KCNN2: variants seen among roughly 807,000 people sequenced by gnomAD.
The protein encoded by KCNN2 is small conductance calcium-activated potassium channel protein 2.
A neutral mutation model predicts 55.5 loss-of-function variants in KCNN2; 24 were observed. The ratio of observed to expected loss-of-function variants is 0.43; its 90% CI spans 0.31 to 0.61. The LOEUF (loss-of-function observed/expected upper bound fraction) is 0.61, where lower values mean the gene tolerates loss of function less well. Ranked by LOEUF, KCNN2 falls within the 20% of genes least tolerant of loss-of-function variation. The probability of loss-of-function intolerance (pLI) is 0.08; values close to 1 mark genes in which losing one functional copy is unlikely to be tolerated. For synonymous variants in KCNN2, 431 were observed against 336.1 expected, an observed-to-expected ratio of 1.28 and a Z score of -3.09; for missense variants, 754 against 853.6, an observed-to-expected ratio of 0.88 and a Z score of 1.45.
intron 2 of KCNN2, among the ~76,000 whole-genome samples, chr5:114,295,085 T>A (rs1265156545): frequency 6.6e-6 from 1 of 152,182 alleles, no homozygotes; most frequent in Non-Finnish European, 1.5e-5. Flanking sequence ...GAGGAGTACC[T>A]GGCCGTGTGA....
chr5:114,253,583 C>T, intron 2 of KCNN2: 1 of 155,454 alleles, frequency 6.4e-6, no homozygotes. Flanking sequence ...GCTGGCTAGG[C>T]GGGTGTCCCC....
chr5:114,468,015 C>T (rs1049404056), intron 4 of KCNN2, among the ~76,000 whole-genome samples: 1 of 152,088 alleles, frequency 6.6e-6, no homozygotes, highest in African/African-American at 2.4e-5. Context: ...AAAGGAGGCT[C>T]GGGTTGCCCA....
At chr5:114,329,642 G>C (rs1264092822) in intron 2 of KCNN2, among the ~76,000 whole-genome samples, 5 of 152,162 alleles carry the variant, frequency 3.3e-5, no homozygotes, top group East Asian at 1.9e-4. Context: ...CCACTCCTCA[G>C]CTTGCAGATG....
rs919893524 is a variant in KCNN2, at chr5:114,495,092, A to G, written c.2089-803A>G. 2.0e-5 allele frequency among the ~76,000 whole-genome samples: 3 copies of G among 152,124 alleles called. No homozygotes were observed. The East Asian group carries it at 5.8e-4, about 29-fold the overall frequency. ...TCTTGGCTACTCAGGAAATATACCT[A>G]GAAATCAGAGTTATGGATACCCTGT... On this transcript the variant is annotated intron_variant, in intron 7 of 7. Coordinates refer to ENST00000673685, the MANE Select transcript of KCNN2 (RefSeq NM_021614.4).
chr5:114,380,840 T>TA (rs1758098463), intron 2 of KCNN2, among the ~76,000 whole-genome samples: 1 of 152,176 alleles, frequency 6.6e-6, no homozygotes, highest in African/African-American at 2.4e-5. Context: ...AGGCCGTTAT[T>TA]ACAGTAGCAC....
At chr5:114,203,667 A>G (rs975746728) in intron 1 of KCNN2, among the ~76,000 whole-genome samples, 8 of 152,192 alleles carry the variant, frequency 5.3e-5, no homozygotes, top group African/African-American at 1.9e-4. Flanking sequence ...CCCTGGGCCT[A>G]TGAATGATGA....
intron 6 of KCNN2, 182 bp from the exon 7 acceptor site, chr5:114,493,221 C>T (rs939425970): frequency 9.0e-5 from 60 of 667,786 alleles, no homozygotes; most frequent in Non-Finnish European, 1.4e-4. Context: ...TTCTTTTTTG[C>T]GGTGTTGGGG....
chr5:114,299,309 C>A (rs904209252), intron 2 of KCNN2, among the ~76,000 whole-genome samples: 3 of 152,084 alleles, frequency 2.0e-5, no homozygotes, highest in Non-Finnish European at 4.4e-5. Context: ...GAATCAATTA[C>A]TTTGGCTCAG....
At chr5:114,141,790 C>T (rs1240057105) in intron 1 of KCNN2, among the ~76,000 whole-genome samples, 2 of 152,184 alleles carry the variant, frequency 1.3e-5, no homozygotes, top group Non-Finnish European at 2.9e-5. Flanking sequence ...TCTCCAGCAC[C>T]TGTAGTTTCC....
At chr5:114,244,780 T>A (rs1462216488) in intron 2 of KCNN2, among the ~76,000 whole-genome samples, 1 of 152,176 alleles carries the variant, frequency 6.6e-6, no homozygotes. Flanking sequence ...AACGGTGGTA[T>A]CTGAAGCTTT....
chr5:114,249,623 A>C (rs1473090858), intron 2 of KCNN2, among the ~76,000 whole-genome samples: 2 of 151,896 alleles, frequency 1.3e-5, no homozygotes, highest in Non-Finnish European at 2.9e-5. Flanking sequence ...TTCTCTGACA[A>C]TATTATGATA....
intron 1 of KCNN2, among the ~76,000 whole-genome samples, chr5:114,123,549 G>T (rs13185297): frequency 1.7e-5 from 2 of 118,414 alleles, no homozygotes; most frequent in Admixed American, 1.6e-4. Context: ...TTTTTTAGTA[G>T]AGACGGGGTT....
At chr5:114,166,418 A>G (rs1752914836) in intron 1 of KCNN2, among the ~76,000 whole-genome samples, 1 of 152,040 alleles carries the variant, frequency 6.6e-6, no homozygotes, top group South Asian at 2.1e-4. Context: ...TGATCAACTT[A>G]CTCTCTCATT....
intron 2 of KCNN2, among the ~76,000 whole-genome samples, chr5:114,289,615 G>A (rs1176771579): frequency 6.6e-6 from 1 of 152,028 alleles, no homozygotes; most frequent in Non-Finnish European, 1.5e-5. Context: ...GACCTCAAGT[G>A]ATCTGCCCGC....
At chr5:114,386,377 T>C (rs1580777337) in intron 2 of KCNN2, among the ~76,000 whole-genome samples, 1 of 151,814 alleles carries the variant, frequency 6.6e-6, no homozygotes, top group South Asian at 2.1e-4. Flanking sequence ...CAGGGGCTGG[T>C]ATATGATATA....
chr5:114,285,282 C>G (rs533035492), intron 2 of KCNN2, among the ~76,000 whole-genome samples: 110 of 46,382 alleles, frequency 2.4e-3, no homozygotes, highest in Non-Finnish European at 2.7e-3. Context: ...GACTCCATCT[C>G]CAAAAAAAAA....
intron 1 of KCNN2, among the ~76,000 whole-genome samples, chr5:114,129,746 G>A (rs1752033519): frequency 6.6e-6 from 1 of 152,110 alleles, no homozygotes; most frequent in African/African-American, 2.4e-5. Flanking sequence ...TCCTTGTCAG[G>A]GTCAATAATC....
chr5:114,179,278 C>T (rs893256543), intron 1 of KCNN2, among the ~76,000 whole-genome samples: 4 of 152,286 alleles, frequency 2.6e-5, no homozygotes, highest in African/African-American at 9.6e-5. Flanking sequence ...TGTAAGCTCA[C>T]TCAAGTGATT....
At chr5:114,107,248 C>G (rs1472117083) in intron 1 of KCNN2, among the ~76,000 whole-genome samples, 1 of 151,894 alleles carries the variant, frequency 6.6e-6, no homozygotes, top group Non-Finnish European at 1.5e-5. Flanking sequence ...TTCCAACAGT[C>G]TATTTGTCTA....
Sources: gnomAD v4.1 joint callset for allele counts (sites outside exome capture counted in the v4.1 genomes callset) on GRCh38, gnomAD v4.1.1 for gene constraint, MANE v1.5 for transcripts, NCBI Gene and HGNC (gene_info 2026-07-23, HGNC 2026-07-21) for gene names.